Variants in SPADH observed in about 807,000 individuals in gnomAD.
SPADH encodes CUB domain-containing protein.
chr10:122,675,687 CTG>C, the SPADH span: 43 of 974,228 alleles, frequency 4.4e-5, no homozygotes, highest in African/African-American at 6.8e-4. Context: ...GCAGACAAGA[CTG>C]TTACCCTCTT....
chr10:122,676,119 TGAG>T, the SPADH span, among the ~76,000 whole-genome samples: 5 of 152,208 alleles, frequency 3.3e-5, no homozygotes, highest in Admixed American at 6.5e-5. Context: ...AGCTTCTCCG[TGAG>T]GATGCAGGCT....
the SPADH span, among the ~76,000 whole-genome samples, chr10:122,674,995 C>T: frequency 6.6e-6 from 1 of 152,188 alleles, no homozygotes; most frequent in African/African-American, 2.4e-5. Flanking sequence ...GTCACGTGCA[C>T]CGTGGGACGT....
At chr10:122,674,576 G>A in the SPADH span, among the ~76,000 whole-genome samples, 2 of 152,196 alleles carry the variant, frequency 1.3e-5, no homozygotes, top group Non-Finnish European at 2.9e-5. Context: ...CACCCACAAA[G>A]GACCAATATA....
chr10:122,676,701 A>T, the SPADH span: 1 of 984,634 alleles, frequency 1.0e-6, no homozygotes, highest in Non-Finnish European at 1.2e-6. Context: ...GACACAAGCC[A>T]ATCCCAGACC....
the SPADH span, chr10:122,676,729 G>T: frequency 4.1e-6 from 4 of 985,356 alleles, no homozygotes; most frequent in South Asian, 4.7e-5. Context: ...TCCCTGCAGT[G>T]CCTGGGCCCC....
At chr10:122,674,455 T>G in the SPADH span, among the ~76,000 whole-genome samples, 1 of 152,222 alleles carries the variant, frequency 6.6e-6, no homozygotes, top group Non-Finnish European at 1.5e-5. Context: ...TCACTCAATA[T>G]GACAGGCATG....
chr10:122,675,921 T>C, the SPADH span, among the ~76,000 whole-genome samples: 1 of 152,092 alleles, frequency 6.6e-6, no homozygotes, highest in Admixed American at 6.5e-5. Flanking sequence ...TCTGCCCTCC[T>C]GTCTGACCAG....
chr10:122,672,968 T>C, the SPADH span: 6 of 979,052 alleles, frequency 6.1e-6, no homozygotes, highest in African/African-American at 1.8e-5. Context: ...GGCCTCGCAC[T>C]GTTTTCCTTT....
At chr10:122,676,099 T>A in the SPADH span, among the ~76,000 whole-genome samples, 1 of 152,218 alleles carries the variant, frequency 6.6e-6, no homozygotes, top group Non-Finnish European at 1.5e-5. Flanking sequence ...AGTTCTTCCC[T>A]CTTCCTACGA....
chr10:122,675,483 C>T, the SPADH span, among the ~76,000 whole-genome samples: 1 of 152,204 alleles, frequency 6.6e-6, no homozygotes, highest in Non-Finnish European at 1.5e-5. Context: ...GACAGTGACG[C>T]CATCTCTTCT....
chr10:122,677,569 G>A, the SPADH span, among the ~76,000 whole-genome samples: 1 of 152,186 alleles, frequency 6.6e-6, no homozygotes, highest in Non-Finnish European at 1.5e-5. Context: ...TGCAGCCTAA[G>A]TTACTGCATT....
At chr10:122,677,394 G>T in the SPADH span, among the ~76,000 whole-genome samples, 1 of 150,858 alleles carries the variant, frequency 6.6e-6, no homozygotes, top group South Asian at 2.1e-4. Flanking sequence ...TTTCTCACAG[G>T]GGTTTACATA....
chr10:122,677,051 C>T, the SPADH span, among the ~76,000 whole-genome samples: 9 of 152,294 alleles, frequency 5.9e-5, no homozygotes, highest in East Asian at 1.9e-4. Flanking sequence ...TTCACTGGCT[C>T]GTTTTCTCCA....
the SPADH span, among the ~76,000 whole-genome samples, chr10:122,673,604 T>C: frequency 1.3e-5 from 2 of 152,188 alleles, no homozygotes; most frequent in African/African-American, 4.8e-5. Flanking sequence ...AGGGTATAGA[T>C]TTCCTCAGGG....
the SPADH span, chr10:122,676,957 C>T: frequency 9.6e-3 from 9,218 of 964,616 alleles, 56 homozygotes; most frequent in Middle Eastern, 0.013. Context: ...CCCATCTTGA[C>T]CTCATATGGT....
chr10:122,675,482 G>A, the SPADH span, among the ~76,000 whole-genome samples: 8 of 152,270 alleles, frequency 5.3e-5, no homozygotes, highest in East Asian at 1.9e-4. Flanking sequence ...GGACAGTGAC[G>A]CCATCTCTTC....
At chr10:122,677,752 C>T in the SPADH span, among the ~76,000 whole-genome samples, 34 of 152,282 alleles carry the variant, frequency 2.2e-4, no homozygotes, top group African/African-American at 7.2e-4. Flanking sequence ...CTACGTTATG[C>T]AGGAGTTCTA....
the SPADH span, chr10:122,676,665 T>C: frequency 2.1e-6 from 2 of 932,474 alleles, no homozygotes; most frequent in East Asian, 1.2e-4. Context: ...GTTGGGAGAA[T>C]CAGTAATAAC....
chr10:122,673,027 T>C, the SPADH span: 6 of 608,576 alleles, frequency 9.9e-6, no homozygotes, highest in Non-Finnish European at 1.2e-5. Flanking sequence ...AAGAAGCCCA[T>C]GGCTGATTAG....
Sources: gnomAD v4.1 joint callset for allele counts (sites outside exome capture counted in the v4.1 genomes callset) on GRCh38, gnomAD v4.1.1 for gene constraint, MANE v1.5 for transcripts, NCBI Gene and HGNC (gene_info 2026-07-23, HGNC 2026-07-21) for gene names.